The following KIF26B variants were observed in gnomAD, a reference collection of about 807,000 sequenced individuals.
The protein encoded by KIF26B is kinesin family member 26B.
KIF26B carries 63 observed loss-of-function variants against 151.2 expected under a neutral mutation model. The observed-to-expected ratio is 0.42, with a 90% confidence interval of 0.34 to 0.51. The LOEUF (loss-of-function observed/expected upper bound fraction) is 0.51, where lower values mean the gene tolerates loss of function less well. Among genes scored for constraint, KIF26B ranks in the 20% least tolerant of loss-of-function variants. The pLI, the probability that KIF26B is intolerant of heterozygous loss-of-function variation, is 0.07. For synonymous variants in KIF26B, 1,357 were observed against 1,262.1 expected, an observed-to-expected ratio of 1.08 and a Z score of -1.59; for missense variants, 2,813 against 2,913.6, an observed-to-expected ratio of 0.97 and a Z score of 0.79.
At chr1:245,202,584 C>T (rs1341344358) in intron 2 of KIF26B, among the ~76,000 whole-genome samples, 5 of 152,042 alleles carry the variant, frequency 3.3e-5, no homozygotes, top group African/African-American at 1.2e-4. Context: ...CATGGTGAAA[C>T]CGCGTCTTTA....
At chr1:245,222,351 C>T (rs1304334269) in intron 2 of KIF26B, among the ~76,000 whole-genome samples, 2 of 152,048 alleles carry the variant, frequency 1.3e-5, no homozygotes, top group Non-Finnish European at 2.9e-5. Context: ...GCAGGAGAAT[C>T]GCTTAAACCC....
chr1:245,683,513 G>A (rs10924302), intron 10 of KIF26B, among the ~76,000 whole-genome samples: 7,562 of 152,150 alleles, frequency 0.05, 619 homozygotes, highest in African/African-American at 0.17. Context: ...CAAACCCCAG[G>A]GCCTCATTAT....
chr1:245,156,396 G>A lies in KIF26B; in HGVS notation c.178G>A (p.Gly60Ser). ...AGSRPTPEGAGSALGSSGTPS... is the reference protein window; with the variant it reads ...AGSRPTPEGASSALGSSGTPS... Reference sequence around the variant, plus strand: ...CAGCCGGCCCACTCCTGAGGGCGCGGGCTCAGCGCTCGGCTCCTCGGGGAC... The same window carrying A: ...CAGCCGGCCCACTCCTGAGGGCGCGAGCTCAGCGCTCGGCTCCTCGGGGAC... Residue 60 changes from glycine (G) to serine (S), a missense_variant, in exon 2 of 15, where the codon GGC becomes AGC. Gly to Ser is a moderately conservative substitution (Grantham distance 56). Coordinates refer to ENST00000407071, the MANE Select transcript of KIF26B (RefSeq NM_018012.4). The A allele has an allele frequency of 1.9e-6, 3 of 1,540,092 alleles. No homozygotes were observed. Among genetic ancestry groups the A allele is most frequent in the Non-Finnish European group, 2.6e-6 (3 of 1,143,762 alleles).
chr1:245,635,098 GTT>G (rs55861540), intron 9 of KIF26B, among the ~76,000 whole-genome samples: 3 of 133,094 alleles, frequency 2.3e-5, no homozygotes, highest in African/African-American at 8.5e-5. Context: ...AGGTTTTTGT[GTT>G]TTTTTTTTTT....
intron 9 of KIF26B, among the ~76,000 whole-genome samples, chr1:245,621,321 T>C (rs2043656801): frequency 6.6e-6 from 1 of 152,236 alleles, no homozygotes; most frequent in African/African-American, 2.4e-5. Context: ...ATTTAACTTC[T>C]ATGAGCCTCA....
chr1:245,448,406 C>T (rs2103051461), intron 4 of KIF26B, among the ~76,000 whole-genome samples: 1 of 152,216 alleles, frequency 6.6e-6, no homozygotes, highest in Middle Eastern at 3.4e-3. Flanking sequence ...GATGGGGTTT[C>T]ATCATGTTGG....
chr1:245,369,536 A>G (rs1054133835), intron 3 of KIF26B, among the ~76,000 whole-genome samples: 1 of 152,216 alleles, frequency 6.6e-6, no homozygotes, highest in African/African-American at 2.4e-5. Context: ...AAAATCTAAC[A>G]TATGGATTAT....
Position 245,303,338 on chromosome 1 carries a change from A to G in KIF26B, c.466-63496A>G, listed in dbSNP as rs566710450. ...CTCAGCCTCCCGAGTAGCTGGGACT[A>G]CAGGTGCCCGCCACCACGCCCGGCT... On this transcript the variant is annotated intron_variant, in intron 2 of 14. Transcript: ENST00000407071. 4.4e-4 allele frequency among the ~76,000 whole-genome samples: 66 copies of G among 150,670 alleles called. No homozygotes were observed. In the South Asian group the frequency reaches 5.3e-3, roughly 12 times the overall value.
chr1:245,333,898 T>C (rs1558392536), intron 2 of KIF26B, among the ~76,000 whole-genome samples: 1 of 152,040 alleles, frequency 6.6e-6, no homozygotes, highest in Non-Finnish European at 1.5e-5. Flanking sequence ...CTCGGGAGGC[T>C]GAGGCACGAG....
intron 2 of KIF26B, among the ~76,000 whole-genome samples, chr1:245,308,686 T>C (rs1671606378): frequency 6.6e-6 from 1 of 152,132 alleles, no homozygotes; most frequent in Non-Finnish European, 1.5e-5. Flanking sequence ...TGCAGTGAGC[T>C]GTGATTGCAC....
intron 2 of KIF26B, among the ~76,000 whole-genome samples, chr1:245,346,540 C>A (rs559583935): frequency 2.8e-4 from 42 of 152,270 alleles, no homozygotes; most frequent in Middle Eastern, 6.8e-3. Flanking sequence ...GTACACCAAC[C>A]CTACTTGTCA....
At chr1:245,189,587 G>C (rs567472186) in intron 2 of KIF26B, among the ~76,000 whole-genome samples, 2 of 152,226 alleles carry the variant, frequency 1.3e-5, no homozygotes, top group African/African-American at 4.8e-5. Context: ...CTAGATGTCC[G>C]CTGAGAGTTT....
intron 2 of KIF26B, among the ~76,000 whole-genome samples, chr1:245,285,966 C>G (rs1167355490): frequency 1.3e-5 from 2 of 148,356 alleles, no homozygotes; most frequent in East Asian, 3.9e-4. Context: ...CCACTGCACT[C>G]CAGCCTGGAT....
At chr1:245,425,531 C>T (rs1359146921) in intron 4 of KIF26B, among the ~76,000 whole-genome samples, 2 of 152,128 alleles carry the variant, frequency 1.3e-5, no homozygotes, top group Non-Finnish European at 2.9e-5. Flanking sequence ...CTCAGCCTCC[C>T]GAGTAGCTGG....
At position 245,654,093 on chromosome 1, in the gene KIF26B, C is replaced by T. The variant is rs1027709493; in HGVS notation, c.2258+7813C>T. ...GAGTGAATGAATGAAGGCACAGACCCGAGGGGCAGGGCTGATGGTAGCCAA... is the reference window on the plus strand; with the variant it reads ...GAGTGAATGAATGAAGGCACAGACCTGAGGGGCAGGGCTGATGGTAGCCAA... On this transcript the variant is annotated intron_variant, in intron 10 of 14. Coordinates refer to ENST00000407071, the MANE Select transcript of KIF26B (RefSeq NM_018012.4). Among the ~76,000 whole-genome samples, 6 of 152,074 alleles carry T rather than the reference C, an allele frequency of 3.9e-5. No individual in the cohort carries two copies. In the East Asian group the frequency reaches 5.8e-4, roughly 15 times the overall value.
chr1:245,226,108 G>A lies in KIF26B; in HGVS notation c.465+69425G>A, dbSNP rs1050136729. On this transcript the variant is annotated intron_variant, in intron 2 of 14. Transcript: ENST00000407071. ...GCAGTCAGCAGCGTTCCCCACGAGG[G>A]GCAGCAGCAGTGCTGAGCTCAGGGC... 17 of 152,384 alleles carry A rather than the reference G, an allele frequency of 1.1e-4. No homozygotes were observed. The Middle Eastern group carries it at 0.01, about 92-fold the overall frequency. The allele number at this position is 152,384 out of a possible 1,614,324, so 9.4% of individuals were successfully genotyped here.
At chr1:245,313,763 C>T (rs896933185) in intron 2 of KIF26B, among the ~76,000 whole-genome samples, 35 of 152,216 alleles carry the variant, frequency 2.3e-4, no homozygotes, top group African/African-American at 8.2e-4. Context: ...TGCACATGAT[C>T]AGCTGAAGAT....
chr1:245,265,255 C>T (rs1001917204), intron 2 of KIF26B, among the ~76,000 whole-genome samples: 2 of 145,586 alleles, frequency 1.4e-5, no homozygotes, highest in African/African-American at 5.1e-5. Flanking sequence ...TATTATGAAG[C>T]AATAAATAGT....
intron 2 of KIF26B, among the ~76,000 whole-genome samples, chr1:245,266,463 T>A (rs1670747965): frequency 6.6e-6 from 1 of 152,116 alleles, no homozygotes; most frequent in African/African-American, 2.4e-5. Flanking sequence ...TTGGAGTCAG[T>A]CCAGGATTTG....
Sources: allele counts gnomAD v4.1 joint callset (sites outside exome capture counted in the v4.1 genomes callset), GRCh38; gene constraint gnomAD v4.1.1; transcripts MANE v1.5; gene names NCBI Gene and HGNC (gene_info 2026-07-23, HGNC 2026-07-21).